NCKAP5: variants seen among roughly 807,000 people sequenced by gnomAD.
NCKAP5 encodes NCK associated protein 5, also known as nck-associated protein 5.
NCKAP5 carries 92 observed loss-of-function variants against 167.0 expected under a neutral mutation model. The observed-to-expected ratio is 0.55, with a 90% CI of 0.47 to 0.66. The LOEUF (loss-of-function observed/expected upper bound fraction) is 0.66, where lower values mean the gene tolerates loss of function less well. Among genes scored for constraint, NCKAP5 ranks in the 30% least tolerant of loss-of-function variants. The probability of loss-of-function intolerance (pLI) is 0.00; values close to 1 mark genes in which losing one functional copy is unlikely to be tolerated. For synonymous variants in NCKAP5, 891 were observed against 877.4 expected, an observed-to-expected ratio of 1.02 and a Z score of -0.27; for missense variants, 2,378 against 2,315.0, an observed-to-expected ratio of 1.03 and a Z score of -0.56.
chr2:133,046,145 T>C lies in NCKAP5; in HGVS notation c.342-51906A>G, dbSNP rs1446139098. Among the ~76,000 whole-genome samples, 48 of 152,172 alleles carry C rather than the reference T, an allele frequency of 3.2e-4. 1 individual carries two copies. The highest frequency in any genetic ancestry group is 3.1e-3 in the Admixed American group (48 of 15,270). On this transcript the variant is annotated intron_variant, in intron 6 of 19. Transcript: ENST00000409261. Reference sequence around the variant, plus strand: ...TTTTCCATTTAATATTTTTGGACCATGGTTGTCTGTGGGTAGTTGGAATCT... The same window carrying C: ...TTTTCCATTTAATATTTTTGGACCACGGTTGTCTGTGGGTAGTTGGAATCT...
At position 133,424,802 on chromosome 2, in the gene NCKAP5, G is replaced by A. The variant is rs149102776; in HGVS notation, c.69+92656C>T. ...AAAATCCCTAGTGGTTCTGAGGCAC[G>A]TGACAGTTTGAGGAGTCCTGTTTTA... On this transcript the variant is annotated intron_variant, in intron 3 of 19. Coordinates refer to ENST00000409261, the MANE Select transcript of NCKAP5 (RefSeq NM_207363.3). Among the ~76,000 whole-genome samples, 393 of 152,280 alleles carry A rather than the reference G, an allele frequency of 2.6e-3. 4 individuals carry two copies. The highest frequency in any genetic ancestry group is 8.8e-3 in the African/African-American group (364 of 41,544).
chr2:133,625,959 T>TG, the NCKAP5 span, among the ~76,000 whole-genome samples: 1 of 152,126 alleles, frequency 6.6e-6, no homozygotes. Flanking sequence ...CACTAAAAAT[T>TG]TTTTTAAACT....
the NCKAP5 span, among the ~76,000 whole-genome samples, chr2:133,670,258 G>C: frequency 6.6e-6 from 1 of 152,170 alleles, no homozygotes; most frequent in Non-Finnish European, 1.5e-5. Context: ...GTGTAGTGCA[G>C]GGCTTATAAT....
chr2:133,617,219 A>C, the NCKAP5 span, among the ~76,000 whole-genome samples: 1 of 152,234 alleles, frequency 6.6e-6, no homozygotes, highest in Non-Finnish European at 1.5e-5. Flanking sequence ...AAAAACTGGA[A>C]GCATTCCCTT....
chr2:132,994,276 G>T lies in NCKAP5; in HGVS notation c.342-37C>A, dbSNP rs201255304. The T allele has an allele frequency of 2.2e-4, 324 of 1,455,160 alleles. No individual in the cohort carries two copies. In the African/African-American group the frequency reaches 3.8e-3, roughly 17 times the overall value. The allele number at this position is 1,455,160 out of a possible 1,614,324, so 90.1% of individuals were successfully genotyped here. On this transcript the variant is annotated intron_variant, in intron 6 of 19. Coordinates refer to ENST00000409261, the MANE Select transcript of NCKAP5 (RefSeq NM_207363.3). ...AAATATTAAGAATTTCTTAAAGAAG[G>T]TTTCTAATTAACACGGATCCACTCG...
At chr2:133,281,426 TAAAATTAC>T (rs1482280624) in intron 4 of NCKAP5, among the ~76,000 whole-genome samples, 7 of 152,198 alleles carry the variant, frequency 4.6e-5, no homozygotes, top group African/African-American at 1.7e-4. Flanking sequence ...TATAAAATCT[TAAAATTAC>T]AAAGTCACTA....
At chr2:132,718,451 T>A (rs1245388657) in intron 19 of NCKAP5, among the ~76,000 whole-genome samples, 1 of 152,188 alleles carries the variant, frequency 6.6e-6, no homozygotes, top group Non-Finnish European at 1.5e-5. Flanking sequence ...GGACAGAGAC[T>A]ATGAGAATCA....
At chr2:133,572,272 A>G (rs1220581575), upstream of NCKAP5, among the ~76,000 whole-genome samples, 1 of 152,068 alleles carries the variant, frequency 6.6e-6, no homozygotes, top group Admixed American at 6.5e-5. Flanking sequence ...CACCATTAAT[A>G]CTCCTGGGTC....
At chr2:133,224,153 C>A (rs2086780635) in intron 4 of NCKAP5, among the ~76,000 whole-genome samples, 1 of 152,186 alleles carries the variant, frequency 6.6e-6, no homozygotes, top group African/African-American at 2.4e-5. Context: ...CCTCGAATGA[C>A]ACCCACATTT....
In NCKAP5 at chr2:132,718,492, G is replaced by GCAAAA. The variant is rs1485076876; in HGVS notation, c.5713+7130_5713+7134dup. 4.6e-5 allele frequency among the ~76,000 whole-genome samples: 7 copies of GCAAAA among 152,128 alleles called. 1 individual carries two copies. Among genetic ancestry groups the GCAAAA allele is most frequent in the Admixed American group, 2.6e-4 (4 of 15,274 alleles). On this transcript the variant is annotated intron_variant, in intron 19 of 19. Transcript: ENST00000409261. ...GGAGGCACGGGACTATTTAGACAAA[G>GCAAAA]CAAAACAAAACAAAACAAAAGGATT... is the stretch of plus-strand genomic sequence containing the variant.
chr2:133,002,273 C>G (rs1295801620), intron 6 of NCKAP5, among the ~76,000 whole-genome samples: 1 of 152,130 alleles, frequency 6.6e-6, no homozygotes, highest in African/African-American at 2.4e-5. Flanking sequence ...TACTACAAAG[C>G]TCTATGTATA....
At chr2:133,013,562 C>A (rs2149369020) in intron 6 of NCKAP5, among the ~76,000 whole-genome samples, 1 of 152,274 alleles carries the variant, frequency 6.6e-6, no homozygotes, top group South Asian at 2.1e-4. Context: ...GCAGGAAAGA[C>A]CTGACTCCAC....
At chr2:133,175,379 CTT>C (rs1470074606) in intron 5 of NCKAP5, among the ~76,000 whole-genome samples, 2 of 152,038 alleles carry the variant, frequency 1.3e-5, no homozygotes, top group African/African-American at 2.4e-5. Context: ...ATCCATCAGT[CTT>C]TTGTTGCATC....
At chr2:132,763,013 T>C (rs1311857361) in intron 16 of NCKAP5, among the ~76,000 whole-genome samples, 1 of 152,236 alleles carries the variant, frequency 6.6e-6, no homozygotes, top group East Asian at 1.9e-4. Context: ...TATGAATACA[T>C]GATTCTATTT....
At chr2:132,887,756 C>T (rs1692367623) in intron 8 of NCKAP5, among the ~76,000 whole-genome samples, 1 of 152,150 alleles carries the variant, frequency 6.6e-6, no homozygotes. Flanking sequence ...AAGTGATCCT[C>T]CCGCCTCAGC....
rs1332327418 is a variant in NCKAP5, at chr2:132,782,190, C to G, written c.4621G>C (p.Gly1541Arg). The change falls in exon 14 of 20, where the codon GGG becomes CGG. Residue 1541 changes from glycine to arginine, a missense_variant. Gly to Arg is a moderately radical substitution (Grantham distance 125). This residue lies in a region of NCKAP5 where 1,325 missense variants were observed against 1,274.5 expected (regional missense o/e 1.04). Coordinates refer to ENST00000409261, the MANE Select transcript of NCKAP5 (RefSeq NM_207363.3). ...KVEKKDAKVLGFGNRQLKSER... is the reference protein window; with the variant it reads ...KVEKKDAKVLRFGNRQLKSER... ...GATTTTAGTTGTCTGTTTCCAAACC[C>G]CAAGACTTTTGCATCTTTCTTTTCT... 6 of 1,613,400 alleles carry G rather than the reference C, an allele frequency of 3.7e-6. No homozygotes were observed. The highest frequency in any genetic ancestry group is 5.1e-6 in the Non-Finnish European group (6 of 1,179,780).
chr2:132,752,477 G>A (rs1205464216), intron 16 of NCKAP5, among the ~76,000 whole-genome samples: 7 of 152,186 alleles, frequency 4.6e-5, no homozygotes, highest in African/African-American at 1.7e-4. Flanking sequence ...TTTACATAAA[G>A]GATGATGATT....
At position 132,713,819 on chromosome 2, in the gene NCKAP5, T is replaced by C. The variant is rs750867590; in HGVS notation, c.5713+11808A>G. 3.5e-4 allele frequency among the ~76,000 whole-genome samples: 53 copies of C among 152,148 alleles called. 1 individual carries two copies. Among genetic ancestry groups the C allele is most frequent in the Non-Finnish European group, 6.5e-4 (44 of 68,030 alleles). On this transcript the variant is annotated intron_variant, in intron 19 of 19. Transcript: ENST00000409261. ...TTCATAAATAGAGAAGCAAGCTGACTGGGGAAAGCTGGAAACCAACCACTA... is the reference window on the plus strand; with the variant it reads ...TTCATAAATAGAGAAGCAAGCTGACCGGGGAAAGCTGGAAACCAACCACTA...
At chr2:132,982,503 TA>T (rs923761156) in intron 7 of NCKAP5, among the ~76,000 whole-genome samples, 7 of 152,202 alleles carry the variant, frequency 4.6e-5, no homozygotes, top group African/African-American at 1.7e-4. Flanking sequence ...AGCAGTCTTT[TA>T]AAAAAATATA....
Sources: gnomAD v4.1 joint callset for allele counts (sites outside exome capture counted in the v4.1 genomes callset) on GRCh38, gnomAD v4.1.1 for gene constraint, gnomAD v4.1.1 regional missense constraint, MANE v1.5 for transcripts, NCBI Gene and HGNC (gene_info 2026-07-23, HGNC 2026-07-21) for gene names.